The following CACNA2D4 variants were observed in gnomAD, a reference collection of about 807,000 sequenced individuals.
The protein encoded by CACNA2D4 is calcium voltage-gated channel auxiliary subunit alpha2delta 4, also known as voltage-dependent calcium channel subunit alpha-2/delta-4.
In CACNA2D4, 157 loss-of-function variants were observed where a neutral mutation model predicts 163.8. The ratio of observed to expected loss-of-function variants is 0.96; its 90% CI spans 0.84 to 1.09. The LOEUF (loss-of-function observed/expected upper bound fraction) is 1.09. Ranked by LOEUF, CACNA2D4 falls within the 50% of genes least tolerant of loss-of-function variation. The pLI is 0.00. For missense variants in CACNA2D4, 1,410 were observed against 1,479.9 expected (o/e 0.95, Z 0.78); for synonymous variants, 598 against 586.9 (o/e 1.02, Z -0.27).
chr12:1,835,656 AC>A (rs1189886153), intron 26 of CACNA2D4: 5 of 152,618 alleles, frequency 3.3e-5, no homozygotes, highest in Admixed American at 3.3e-4. Context: ...CCCTCCTGTC[AC>A]CATGGTAACC....
chr12:1,878,920 A>G lies in CACNA2D4; in HGVS notation c.1644+36T>C. The G allele has an allele frequency of 6.4e-7, 1 of 1,565,486 alleles. No individual in the cohort carries two copies. Among genetic ancestry groups the G allele is most frequent in the Non-Finnish European group, 8.8e-7 (1 of 1,137,850 alleles). On this transcript the variant is annotated intron_variant, in intron 15 of 37. Coordinates refer to ENST00000382722, the MANE Select transcript of CACNA2D4 (RefSeq NM_172364.5). The surrounding 1 kb of genome is among the most constrained non-coding windows in gnomAD (Gnocchi z 4.6). ...GGGGGAGGGAGTTTGCTCCTGGGGA[A>G]CCTGTGATCCCCACAGGGAACAGAC...
chr12:1,882,402 T>C (rs1866025001), intron 13 of CACNA2D4, among the ~76,000 whole-genome samples: 1 of 152,210 alleles, frequency 6.6e-6, no homozygotes, highest in Non-Finnish European at 1.5e-5. Context: ...TGTGAAGCTC[T>C]CCCTTTGATG....
chr12:1,896,606 AACACACACAC>A (rs61535168), intron 6 of CACNA2D4, among the ~76,000 whole-genome samples: 5,346 of 130,644 alleles, frequency 0.041, 348 homozygotes, highest in East Asian at 0.32. Flanking sequence ...GCTATTAATA[AACACACACAC>A]ACACACACAC....
intron 26 of CACNA2D4, among the ~76,000 whole-genome samples, chr12:1,816,595 C>A (rs1291743321): frequency 6.6e-6 from 1 of 152,218 alleles, no homozygotes; most frequent in African/African-American, 2.4e-5. Context: ...GATCGCAGCT[C>A]AGCTCCGCTG....
intron 26 of CACNA2D4, chr12:1,831,408 C>T (rs1358193431): frequency 4.3e-6 from 7 of 1,614,142 alleles, no homozygotes; most frequent in Middle Eastern, 1.6e-4. Context: ...GAATCTGGAC[C>T]GGCTGACATT....
At chr12:1,903,967 T>C (rs1866597417) in intron 6 of CACNA2D4, among the ~76,000 whole-genome samples, 1 of 152,028 alleles carries the variant, frequency 6.6e-6, no homozygotes. Context: ...TTGTAAACAA[T>C]CTAAATGTCC....
intron 18 of CACNA2D4, among the ~76,000 whole-genome samples, chr12:1,865,839 A>G (rs1301114711): frequency 3.3e-5 from 5 of 152,260 alleles, no homozygotes; most frequent in Admixed American, 2.0e-4. Context: ...CTATATATGC[A>G]AATAACATTA....
chr12:1,840,791 C>G lies in CACNA2D4; in HGVS notation c.2499G>C (p.Thr833=), dbSNP rs199688605. ...CGGTCACCGCCACAGCTGTGCTTGC[C>G]GTCACCACCATGGGTTCACCCGCAC... ...PESAGEPMVV[T]ASTAVAVTVD... The change falls in exon 26 of 38, where the codon ACG becomes ACC. Residue 833 remains threonine, a synonymous_variant. Transcript: ENST00000382722. The G allele has an allele frequency of 6.2e-7, 1 of 1,613,900 alleles. No homozygotes were observed. Among genetic ancestry groups the G allele is most frequent in the East Asian group, 2.2e-5 (1 of 44,876 alleles).
At chr12:1,885,427 C>G (rs530445110) in intron 9 of CACNA2D4, among the ~76,000 whole-genome samples, 25 of 152,286 alleles carry the variant, frequency 1.6e-4, no homozygotes, top group Non-Finnish European at 3.5e-4. Flanking sequence ...GTGCACACTT[C>G]ACAGCAGAAA....
At chr12:1,913,291 C>T (rs1866880997) in intron 2 of CACNA2D4, among the ~76,000 whole-genome samples, 152 bp from the exon 3 acceptor site, 1 of 152,236 alleles carries the variant, frequency 6.6e-6, no homozygotes, top group Non-Finnish European at 1.5e-5. Flanking sequence ...CCTCTCCTCC[C>T]TGGACAACAT....
intron 6 of CACNA2D4, among the ~76,000 whole-genome samples, chr12:1,896,014 T>G (rs750254228): frequency 6.6e-6 from 1 of 152,150 alleles, no homozygotes; most frequent in Non-Finnish European, 1.5e-5. Flanking sequence ...TAAATGGTGC[T>G]GGGAAAATTG....
Position 1,913,713 on chromosome 12 carries a change from G to A in CACNA2D4, c.310-574C>T, listed in dbSNP as rs990546188. 2.6e-5 allele frequency among the ~76,000 whole-genome samples: 4 copies of A among 152,190 alleles called. No individual in the cohort carries two copies. In the South Asian group the frequency reaches 8.3e-4, roughly 32 times the overall value. On this transcript the variant is annotated intron_variant, in intron 2 of 37. Coordinates refer to ENST00000382722, the MANE Select transcript of CACNA2D4 (RefSeq NM_172364.5). The stretch of plus-strand genomic sequence containing the variant: ...AGTGAGCCCAGGAAAGCCTGGAATG[G>A]GGTTTGGGTTTTCTCTCTGGGCCCA...
chr12:1,854,469 G>T (rs780830427), intron 22 of CACNA2D4, among the ~76,000 whole-genome samples: 1 of 152,130 alleles, frequency 6.6e-6, no homozygotes, highest in Non-Finnish European at 1.5e-5. Flanking sequence ...ACAGTGGCAT[G>T]ATCTTGGCTC....
Position 1,829,176 on chromosome 12 carries a change from C to A in CACNA2D4, c.2551+11563G>T, listed in dbSNP as rs762096139. Among the ~76,000 whole-genome samples, 1 of 151,940 alleles carries A rather than the reference C, an allele frequency of 6.6e-6. No homozygotes were observed. Among genetic ancestry groups the A allele is most frequent in the African/African-American group, 2.4e-5 (1 of 41,204 alleles). Reference sequence around the variant, plus strand: ...TTGATCTCCAGGGAGGTGGGGGGCGCAGGGAGTCGCTCTTCCGCAGCGGCT... The same window carrying A: ...TTGATCTCCAGGGAGGTGGGGGGCGAAGGGAGTCGCTCTTCCGCAGCGGCT... On this transcript the variant is annotated intron_variant, in intron 26 of 37. Coordinates refer to ENST00000382722, the MANE Select transcript of CACNA2D4 (RefSeq NM_172364.5). This position sits in a 1 kb window ranked among gnomAD's most constrained non-coding sequence, Gnocchi z 4.2.
At chr12:1,860,083 T>C in intron 19 of CACNA2D4, 62 bp downstream of exon 19, 1 of 1,372,718 alleles carries the variant, frequency 7.3e-7, no homozygotes, top group South Asian at 1.2e-5. Context: ...GCCAACTAAA[T>C]ATGAGTTGCT....
Position 1,834,940 on chromosome 12 carries a change from C to T in CACNA2D4, c.2551+5799G>A, listed in dbSNP as rs1046280844. The T allele has an allele frequency of 3.7e-6, 3 of 819,730 alleles. No individual in the cohort carries two copies. Among genetic ancestry groups the T allele is most frequent in the Admixed American group, 3.1e-5 (1 of 32,182 alleles). The allele number at this position is 819,730 out of a possible 1,614,324, so 50.8% of individuals were successfully genotyped here. On this transcript the variant is annotated intron_variant, in intron 26 of 37. Transcript: ENST00000382722. This position sits in a 1 kb window ranked among gnomAD's most constrained non-coding sequence, Gnocchi z 7.6. The stretch of plus-strand genomic sequence containing the variant: ...CTCCTGCTGATGCTCCTGTCTGGGC[C>T]AGTAAATCTTTGGAACATGTGGGGG...
At chr12:1,876,328 G>C (rs895594431) in intron 16 of CACNA2D4, among the ~76,000 whole-genome samples, 1 of 152,148 alleles carries the variant, frequency 6.6e-6, no homozygotes, top group Non-Finnish European at 1.5e-5. Context: ...CCTTCAACTT[G>C]ACATACAGCC....
At position 1,804,082 on chromosome 12, in the gene CACNA2D4, ACTCT is replaced by A. The variant is rs142505589; in HGVS notation, c.2722-2442_2722-2439del. On this transcript the variant is annotated intron_variant, in intron 29 of 37. Transcript: ENST00000382722. ...TCCCTGGTGCCTCCAGCTGGAGTAA[ACTCT>A]CTCAGCTGGGGCTCGCTTTTTGCTA... Among the ~76,000 whole-genome samples the A allele has an allele frequency of 2.1e-3, 317 of 149,562 alleles. 6 individuals are homozygous for A. In the South Asian group the frequency reaches 0.048, roughly 23 times the overall value.
intron 26 of CACNA2D4, among the ~76,000 whole-genome samples, chr12:1,839,627 C>T (rs550285534): frequency 3.1e-4 from 47 of 152,344 alleles, no homozygotes; most frequent in African/African-American, 9.6e-4. Flanking sequence ...CCAGAACCAT[C>T]GCCTTCACTG....
Sources: allele counts gnomAD v4.1 joint callset (sites outside exome capture counted in the v4.1 genomes callset), GRCh38; gene constraint gnomAD v4.1.1; non-coding constraint Gnocchi (gnomAD v3.1); transcripts MANE v1.5; gene names NCBI Gene and HGNC (gene_info 2026-07-23, HGNC 2026-07-21).